FANCE: variants seen among roughly 807,000 people sequenced by gnomAD.
FANCE encodes Fanconi anemia group E protein.
A neutral mutation model predicts 57.8 loss-of-function variants in FANCE; 42 were observed. The ratio of observed to expected loss-of-function variants is 0.73; its 90% confidence interval spans 0.57 to 0.94. The LOEUF (loss-of-function observed/expected upper bound fraction) is 0.94, where lower values mean the gene tolerates loss of function less well. FANCE is among the 40% of genes least tolerant of loss of function. FANCE has a pLI of 0.00. For missense variants in FANCE, 608 were observed against 661.8 expected (o/e 0.92, Z 0.89); for synonymous variants, 251 against 286.4 (o/e 0.88, Z 1.25).
chr6:35,455,894 G>T lies in FANCE; in HGVS notation c.396G>T (p.Trp132Cys), dbSNP rs866005940. Residue 132 changes from tryptophan to cysteine, a missense_variant, in exon 2 of 10, where the codon TGG becomes TGT. By Grantham distance (215) the Trp-to-Cys change is radical. Transcript: ENST00000229769. ...QQDLAPDPDA[W>C]LRALGELLRR... ...ACCTAGCCCCTGACCCAGATGCCTG[G>T]CTCCGTGCCCTGGGGGAATTGCTGC... The T allele has an allele frequency of 1.9e-6, 3 of 1,614,074 alleles. No individual in the cohort carries two copies. The highest frequency in any genetic ancestry group is 1.6e-4 in the Middle Eastern group (1 of 6,084).
At position 35,462,723 on chromosome 6, in the gene FANCE, A is replaced by C. The variant is rs145176801; in HGVS notation, c.1384-66A>C. ...AGTGGTGGAGTTGGGAATTGAATCC[A>C]GGACTGGCTGAATGAAGAGCCCAAG... On this transcript the variant is annotated intron_variant, in intron 8 of 9. Transcript: ENST00000229769. 784 of 1,609,472 alleles carry C rather than the reference A, an allele frequency of 4.9e-4. 5 individuals carry two copies. In the East Asian group the frequency reaches 0.012, roughly 25 times the overall value.
At chr6:35,462,035 A>G (rs1216275347) in intron 8 of FANCE, among the ~76,000 whole-genome samples, 2 of 152,082 alleles carry the variant, frequency 1.3e-5, no homozygotes, top group Non-Finnish European at 2.9e-5. Context: ...GACTGGAGTG[A>G]GGTTTAAATG....
intron 9 of FANCE, among the ~76,000 whole-genome samples, chr6:35,465,996 G>A (rs1561796525): frequency 6.6e-6 from 1 of 152,226 alleles, no homozygotes; most frequent in Non-Finnish European, 1.5e-5. Flanking sequence ...ATAAAGTGCT[G>A]CCACATAGTA....
rs1467718121 is a variant in FANCE at position 35,453,144 on chromosome 6, T to C, written c.248+351T>C. On this transcript the variant is annotated intron_variant, in intron 1 of 9. Transcript: ENST00000229769. ...GTACATTTTAAAGTACAAAAATAGA[T>C]ACTTAAAACGTGATGGTGGAATACG... 2.6e-5 allele frequency among the ~76,000 whole-genome samples: 4 copies of C among 152,296 alleles called. No homozygotes were observed. In the East Asian group the frequency reaches 7.7e-4, roughly 29 times the overall value.
At position 35,466,911 on chromosome 6, in the gene FANCE, G is replaced by T. The variant is rs1230304072; in HGVS notation, c.*566G>T. On this transcript the variant is annotated 3_prime_UTR_variant, in exon 10 of 10. Coordinates refer to ENST00000229769, the MANE Select transcript of FANCE (RefSeq NM_021922.3). ...CACACTCCTCATCAATTCTCAGGCT[G>T]CAGGGACAAACTTTCCGATAGGGCT... The T allele has an allele frequency of 4.4e-6, 1 of 229,562 alleles. No homozygotes were observed. Among genetic ancestry groups the T allele is most frequent in the Non-Finnish European group, 8.7e-6 (1 of 115,550 alleles). The allele number at this position is 229,562 out of a possible 1,614,324, so 14.2% of individuals were successfully genotyped here.
intron 6 of FANCE, 101 bp downstream of exon 6, chr6:35,459,555 T>A: frequency 6.3e-7 from 1 of 1,590,418 alleles, no homozygotes; most frequent in Non-Finnish European, 8.6e-7. Flanking sequence ...ATTCAGTGAT[T>A]AAAGATGCCT....
intron 1 of FANCE, among the ~76,000 whole-genome samples, chr6:35,455,099 A>G (rs1420322375): frequency 6.6e-6 from 1 of 152,214 alleles, no homozygotes; most frequent in Admixed American, 6.5e-5. Context: ...ATCCTGGAGT[A>G]TTATTTTTAC....
rs9462088 is a variant in FANCE at position 35,462,909 on chromosome 6, G to A, written c.1504G>A (p.Ala502Thr). Residue 502 changes from alanine (A) to threonine (T), a missense_variant, in exon 9 of 10, where the codon GCT becomes ACT. By Grantham distance (58) the Ala-to-Thr change is moderately conservative (BLOSUM62 0). Transcript: ENST00000229769. ...GCTGACAGTGATGACCAAGTATCAG[G>A]CTAACGTGAGTATTGATAGGGCCTT... ...LMLTVMTKYQ[A>T]NITETQRLGL... 0.075 allele frequency: 120,755 copies of A among 1,614,066 alleles called. 8,884 individuals carry two copies. The highest frequency in any genetic ancestry group is 0.37 in the African/African-American group (27,659 of 74,986).
chr6:35,463,076 G>A (rs866502069), intron 9 of FANCE, among the ~76,000 whole-genome samples, 162 bp downstream of exon 9: 80 of 152,148 alleles, frequency 5.3e-4, no homozygotes, highest in Middle Eastern at 3.4e-3. Context: ...CGAGGCAGGC[G>A]GATCATGAGG....
At position 35,452,800 on chromosome 6, in the gene FANCE, C is replaced by G. The variant is rs186563531; in HGVS notation, c.248+7C>G. ...CTGACGGCCGTCTGGAGCTGTAAGT[C>G]CTCGCCCGCGGCCCCTTAGCAGGTA... On this transcript the variant is annotated splice_region_variant and intron_variant, in intron 1 of 9. Transcript: ENST00000229769. 3 of 1,313,892 alleles carry G rather than the reference C, an allele frequency of 2.3e-6. No homozygotes were observed. Among genetic ancestry groups the G allele is most frequent in the Non-Finnish European group, 2.9e-6 (3 of 1,025,200 alleles). 81.4% of individuals were successfully genotyped at this position (1,313,892 alleles called of 1,614,324 possible).
chr6:35,465,236 C>T (rs541529950), intron 9 of FANCE, among the ~76,000 whole-genome samples: 4 of 151,912 alleles, frequency 2.6e-5, no homozygotes, highest in African/African-American at 4.8e-5. Flanking sequence ...TGCAGTGGCG[C>T]GATCTTGGCT....
At position 35,452,550 on chromosome 6, in the gene FANCE, C is replaced by T. The variant is rs1267226186; in HGVS notation, c.5C>T (p.Ala2Val). The T allele has an allele frequency of 1.5e-6, 2 of 1,324,766 alleles. No individual in the cohort carries two copies. The highest frequency in any genetic ancestry group is 1.9e-6 in the Non-Finnish European group (2 of 1,033,018). The allele number at this position is 1,324,766 out of a possible 1,614,324, so 82.1% of individuals were successfully genotyped here. Residue 2 changes from alanine to valine, a missense_variant, in exon 1 of 10, where the codon GCG (alanine) becomes GTG (valine). Physicochemically the swap from Ala to Val is moderately conservative, Grantham distance 64 (BLOSUM62 0). Transcript: ENST00000229769. Reference sequence around the variant, plus strand: ...GCGCGGCACCCGTGCCCCGGCATGGCGACACCGGACGCGGGGCTCCCTGGG... The same window carrying T: ...GCGCGGCACCCGTGCCCCGGCATGGTGACACCGGACGCGGGGCTCCCTGGG... M[A>V]TPDAGLPGAE...
At chr6:35,465,348 A>AT (rs1163370893) in intron 9 of FANCE, among the ~76,000 whole-genome samples, 11 of 151,536 alleles carry the variant, frequency 7.3e-5, no homozygotes, top group Non-Finnish European at 7.4e-5. Context: ...TAGTTTTTGT[A>AT]TTTTTTAGTA....
chr6:35,457,496 CGGGCTTG>C, intron 2 of FANCE, 53 bp from the exon 3 acceptor site: 2 of 1,593,616 alleles, frequency 1.3e-6, no homozygotes, highest in South Asian at 2.2e-5. Context: ...GAGCCAGAAC[CGGGCTTG>C]GGGTCATGCT....
chr6:35,459,198 T>G, intron 5 of FANCE, 133 bp from the exon 6 acceptor site: 4 of 1,133,586 alleles, frequency 3.5e-6, no homozygotes, highest in Non-Finnish European at 5.2e-6. Flanking sequence ...GGTGGGTCCA[T>G]GTGAGTTCTA....
At chr6:35,455,583 T>G (rs1347675872) in intron 1 of FANCE, among the ~76,000 whole-genome samples, 164 bp from the exon 2 acceptor site, 1 of 152,114 alleles carries the variant, frequency 6.6e-6, no homozygotes, top group East Asian at 1.9e-4. Flanking sequence ...AATGCTATAA[T>G]TACAGGTGTG....
At chr6:35,464,897 T>C (rs1218384740) in intron 9 of FANCE, among the ~76,000 whole-genome samples, 1 of 150,400 alleles carries the variant, frequency 6.6e-6, no homozygotes, top group African/African-American at 2.4e-5. Flanking sequence ...CACGCATGGC[T>C]AATTTTTTTT....
In FANCE at chr6:35,456,372, T is replaced by C; in HGVS notation, c.855+19T>C. 1 of 1,614,140 alleles carries C rather than the reference T, an allele frequency of 6.2e-7. No individual in the cohort carries two copies. The highest frequency in any genetic ancestry group is 1.1e-5 in the South Asian group (1 of 91,082). On this transcript the variant is annotated intron_variant, in intron 2 of 9. Coordinates refer to ENST00000229769, the MANE Select transcript of FANCE (RefSeq NM_021922.3). The surrounding 1 kb of genome is among the most constrained non-coding windows in gnomAD (Gnocchi z 4.3). ...TATCCAGGTACTTTGGTAGGGAGACTGGGTTTAGAGTGATCTTTCAGCAGT... is the reference window on the plus strand; with the variant it reads ...TATCCAGGTACTTTGGTAGGGAGACCGGGTTTAGAGTGATCTTTCAGCAGT...
At chr6:35,459,801 T>C (rs1212589142) in intron 7 of FANCE, 41 bp downstream of exon 7, 2 of 1,564,070 alleles carry the variant, frequency 1.3e-6, no homozygotes, top group Admixed American at 1.7e-5. Context: ...CTGCCACCTG[T>C]TCCCCCAGGC....
Sources: allele counts gnomAD v4.1 joint callset (sites outside exome capture counted in the v4.1 genomes callset), GRCh38; gene constraint gnomAD v4.1.1; non-coding constraint Gnocchi (gnomAD v3.1); transcripts MANE v1.5; gene names NCBI Gene and HGNC (gene_info 2026-07-23, HGNC 2026-07-21).